Variants in POU2F1 observed in about 807,000 individuals in gnomAD.
POU2F1 encodes the protein POU domain, class 2, transcription factor 1.
POU2F1 carries 16 observed loss-of-function variants against 84.9 expected under a neutral mutation model. The observed-to-expected ratio is 0.19, with a 90% CI of 0.13 to 0.29. The LOEUF is 0.29. Ranked by LOEUF, POU2F1 falls within the 10% of genes least tolerant of loss-of-function variation. The probability of loss-of-function intolerance (pLI) is 1.00; values close to 1 mark genes in which losing one functional copy is unlikely to be tolerated. For synonymous variants in POU2F1, 368 were observed against 368.3 expected (o/e 1.00, Z 0.01); for missense variants, 738 against 942.6 (o/e 0.78, Z 2.84).
chr1:167,267,630 C>CTTTTTTTTTTTTTT (rs71073658), intron 1 of POU2F1, among the ~76,000 whole-genome samples: 2 of 70,482 alleles, frequency 2.8e-5, no homozygotes, highest in Non-Finnish European at 5.0e-5. Flanking sequence ...GTTACTGTGT[C>CTTTTTTTTTTTTTT]TTTTTTTTTT....
intron 2 of POU2F1, among the ~76,000 whole-genome samples, chr1:167,351,490 G>T (rs1571348905): frequency 8.1e-6 from 1 of 123,598 alleles, no homozygotes; most frequent in Non-Finnish European, 1.6e-5. Context: ...CTGCACTCCA[G>T]CCTGGTCAGG....
intron 1 of POU2F1, among the ~76,000 whole-genome samples, chr1:167,270,113 A>G (rs1652266211): frequency 6.6e-6 from 1 of 152,178 alleles, no homozygotes; most frequent in Non-Finnish European, 1.5e-5. Flanking sequence ...GGGATTAAAG[A>G]AGTAATTCCT....
At chr1:167,329,789 T>C (rs2101722708) in intron 1 of POU2F1, among the ~76,000 whole-genome samples, 1 of 152,226 alleles carries the variant, frequency 6.6e-6, no homozygotes, top group East Asian at 1.9e-4. Flanking sequence ...ATAAAGAGGG[T>C]AATTGTACTG....
intron 2 of POU2F1, among the ~76,000 whole-genome samples, chr1:167,342,432 G>C (rs1458626056): frequency 6.6e-6 from 1 of 152,118 alleles, no homozygotes; most frequent in African/African-American, 2.4e-5. Context: ...GGATTTACTA[G>C]TGCTATGGCT....
At chr1:167,258,160 T>C (rs11576906) in intron 1 of POU2F1, among the ~76,000 whole-genome samples, 23,586 of 152,130 alleles carry the variant, frequency 0.16, 2,078 homozygotes, top group Non-Finnish European at 0.2. Context: ...TTAAACAATA[T>C]GTTATAGCTC....
chr1:167,299,776 A>G (rs1654542299), intron 1 of POU2F1, among the ~76,000 whole-genome samples: 2 of 149,528 alleles, frequency 1.3e-5, no homozygotes. Flanking sequence ...TTTCTATTTC[A>G]TATTTGCCTC....
chr1:167,390,748 C>G (rs897877469), intron 9 of POU2F1, among the ~76,000 whole-genome samples: 6 of 152,144 alleles, frequency 3.9e-5, no homozygotes, highest in Non-Finnish European at 2.9e-5. Context: ...CATGATTGCT[C>G]CATTGCACTC....
intron 1 of POU2F1, among the ~76,000 whole-genome samples, chr1:167,291,781 T>C (rs1447827229): frequency 1.3e-5 from 2 of 152,282 alleles, no homozygotes; most frequent in African/African-American, 4.8e-5. Flanking sequence ...GAAAATAATA[T>C]CTATTTACTA....
chr1:167,273,945 C>A (rs1171884383), intron 1 of POU2F1, among the ~76,000 whole-genome samples: 1 of 152,104 alleles, frequency 6.6e-6, no homozygotes, highest in Non-Finnish European at 1.5e-5. Flanking sequence ...AATAATTGAG[C>A]CTGAACCAGG....
intron 9 of POU2F1, 124 bp downstream of exon 9, chr1:167,389,885 G>GAAAAAA: frequency 9.4e-7 from 1 of 1,058,530 alleles, no homozygotes; most frequent in South Asian, 1.6e-5. Context: ...GACGGGGGAC[G>GAAAAAA]AAAAAGGATG....
intron 1 of POU2F1, among the ~76,000 whole-genome samples, chr1:167,320,437 GT>G (rs1205817827): frequency 6.6e-6 from 1 of 152,166 alleles, no homozygotes; most frequent in Non-Finnish European, 1.5e-5. Context: ...AATTGAAACA[GT>G]TTTCGTTTTA....
chr1:167,237,371 G>C (rs184759917), intron 1 of POU2F1, among the ~76,000 whole-genome samples: 1 of 152,288 alleles, frequency 6.6e-6, no homozygotes, highest in Non-Finnish European at 1.5e-5. Flanking sequence ...GGATGGATGA[G>C]GAAAGAGCTC....
intron 1 of POU2F1, among the ~76,000 whole-genome samples, chr1:167,247,499 TTTG>T (rs1164275844): frequency 6.6e-5 from 10 of 152,208 alleles, no homozygotes; most frequent in Non-Finnish European, 1.2e-4. Context: ...AAAGCTTCTT[TTTG>T]TTGTTGTTTC....
chr1:167,373,989 A>G lies in POU2F1; in HGVS notation c.403-119A>G, dbSNP rs1660167842. The G allele has an allele frequency of 4.6e-6, 4 of 865,350 alleles. No individual in the cohort carries two copies. The Admixed American group carries it at 5.7e-5, about 12-fold the overall frequency. The allele number at this position is 865,350 out of a possible 1,614,324, so 53.6% of individuals were successfully genotyped here. On this transcript the variant is annotated intron_variant, in intron 5 of 15. Coordinates refer to ENST00000367866, the MANE Select transcript of POU2F1 (RefSeq NM_002697.4). ...GAACATTTTAGCTGTCTGCTAAGCA[A>G]GTGAAGTTGGGTAGCTGGGGACTGA...
chr1:167,327,717 T>G (rs914672145), intron 1 of POU2F1, among the ~76,000 whole-genome samples: 2 of 152,226 alleles, frequency 1.3e-5, no homozygotes, highest in Non-Finnish European at 2.9e-5. Context: ...TTCAGTCTGC[T>G]GCTTTACCAC....
intron 1 of POU2F1, among the ~76,000 whole-genome samples, chr1:167,312,587 T>C (rs959172200): frequency 6.6e-6 from 1 of 152,146 alleles, no homozygotes; most frequent in African/African-American, 2.4e-5. Flanking sequence ...TACAGTGAGC[T>C]AAGGTTAACT....
intron 1 of POU2F1, among the ~76,000 whole-genome samples, chr1:167,246,155 G>T (rs991953605): frequency 6.6e-6 from 1 of 152,128 alleles, no homozygotes; most frequent in South Asian, 2.1e-4. Context: ...CAGATTTATT[G>T]TTGTTGAGAA....
intron 1 of POU2F1, among the ~76,000 whole-genome samples, chr1:167,261,525 G>C (rs1407956401): frequency 6.6e-6 from 1 of 152,130 alleles, no homozygotes; most frequent in African/African-American, 2.4e-5. Context: ...GGAACACATT[G>C]TTTTAGATAA....
At chr1:167,316,105 G>A (rs1655875868) in intron 1 of POU2F1, among the ~76,000 whole-genome samples, 1 of 152,206 alleles carries the variant, frequency 6.6e-6, no homozygotes, top group Non-Finnish European at 1.5e-5. Context: ...CTGTCATGGG[G>A]TAGCAGGACG....
Sources: gnomAD v4.1 joint callset for allele counts (sites outside exome capture counted in the v4.1 genomes callset) on GRCh38, gnomAD v4.1.1 for gene constraint, MANE v1.5 for transcripts, NCBI Gene and HGNC (gene_info 2026-07-23, HGNC 2026-07-21) for gene names.